Variants in BANP observed in about 807,000 individuals in gnomAD.
BANP encodes the protein BTG3 associated nuclear protein.
BANP carries 11 observed loss-of-function variants against 68.1 expected under a neutral mutation model. The observed-to-expected ratio is 0.16, with a 90% CI of 0.10 to 0.27. BANP has a LOEUF of 0.27. BANP is among the 10% of genes least tolerant of loss of function. BANP has a pLI of 1.00. For missense variants in BANP, 504 were observed against 722.7 expected (o/e 0.70, Z 3.47); for synonymous variants, 329 against 303.2 (o/e 1.09, Z -0.88).
At chr16:88,013,602 T>C (rs2073784969) in intron 6 of BANP, among the ~76,000 whole-genome samples, 3 of 152,198 alleles carry the variant, frequency 2.0e-5, no homozygotes, top group Non-Finnish European at 4.4e-5. Context: ...GACTGCTGCC[T>C]GCACCCGTCA....
At position 88,072,203 on chromosome 16, in the gene BANP, C is replaced by A; in HGVS notation, c.1512C>A (p.Ala504=). ...VQLAPVSDHT[A]GAQTAEALQP... is the part of the protein sequence containing the mutation. ...TGGCGCCAGTGAGTGACCACACGGC[C>A]GGGGCACAGGTGAGTCTGGGGCCCC... Residue 504 remains alanine, a synonymous_variant, in exon 13 of 14, where the codon GCC becomes GCA. Coordinates refer to ENST00000682872, the MANE Select transcript of BANP (RefSeq NM_001386991.1). 1 of 1,609,834 alleles carries A rather than the reference C, an allele frequency of 6.2e-7. No individual in the cohort carries two copies. Among genetic ancestry groups the A allele is most frequent in the South Asian group, 1.1e-5 (1 of 90,852 alleles).
chr16:88,026,739 C>A lies in BANP; in HGVS notation c.896-744C>A, dbSNP rs553550138. Among the ~76,000 whole-genome samples the A allele has an allele frequency of 4.6e-5, 7 of 151,124 alleles. No homozygotes were observed. The South Asian group carries it at 1.5e-3, about 32-fold the overall frequency. On this transcript the variant is annotated intron_variant, in intron 7 of 13. Coordinates refer to ENST00000682872, the MANE Select transcript of BANP (RefSeq NM_001386991.1). The stretch of plus-strand genomic sequence containing the variant: ...GACAGAGTAACAAAAATACATACTT[C>A]AATTCTCCAAACCGTGTTTACCAGG...
chr16:87,987,699 C>T (rs184422206), intron 4 of BANP, among the ~76,000 whole-genome samples: 189 of 75,984 alleles, frequency 2.5e-3, no homozygotes, highest in African/African-American at 7.9e-3. Context: ...CCAGGCTGAG[C>T]GAGACCCTAA....
chr16:88,004,032 C>T lies in BANP; in HGVS notation c.363-263C>T, dbSNP rs982278972. The T allele has an allele frequency of 9.4e-6, 4 of 423,462 alleles. No individual in the cohort carries two copies. The highest frequency in any genetic ancestry group is 8.2e-5 in the African/African-American group (4 of 49,032). 26.2% of individuals were successfully genotyped at this position (423,462 alleles called of 1,614,324 possible). On this transcript the variant is annotated intron_variant, in intron 4 of 13. Transcript: ENST00000682872. This position sits in a 1 kb window ranked among gnomAD's most constrained non-coding sequence, Gnocchi z 7.0. The stretch of plus-strand genomic sequence containing the variant: ...CTCAGCCCAGCTGTCCTGTGCTATC[C>T]AGTTGTGCAGACAGATCACCAACAA...
intron 7 of BANP, among the ~76,000 whole-genome samples, chr16:88,020,516 A>G (rs1202250073): frequency 6.6e-6 from 1 of 152,272 alleles, no homozygotes; most frequent in East Asian, 1.9e-4. Flanking sequence ...GCGTGCGGTC[A>G]GGTAGATAGA....
chr16:88,071,516 A>G lies in BANP; in HGVS notation c.1378-553A>G, dbSNP rs200180120. 6 of 456,288 alleles carry G rather than the reference A, an allele frequency of 1.3e-5. No homozygotes were observed. The highest frequency in any genetic ancestry group is 8.0e-5 in the African/African-American group (4 of 50,080). The allele number at this position is 456,288 out of a possible 1,614,324, so 28.3% of individuals were successfully genotyped here. A position where few individuals can be genotyped will look rare whatever the true frequency, so the allele number is the denominator to read the frequency against. On this transcript the variant is annotated intron_variant, in intron 12 of 13. Transcript: ENST00000682872. The surrounding 1 kb of genome is among the most constrained non-coding windows in gnomAD (Gnocchi z 6.5). ...CTGCCACCAGGACTCACTTCCGCCC[A>G]TCTTGGAACTGGGCCTCACTTTCCT...
intron 1 of BANP, among the ~76,000 whole-genome samples, chr16:87,960,419 T>G (rs1381022658): frequency 1.3e-5 from 2 of 152,196 alleles, no homozygotes; most frequent in Non-Finnish European, 2.9e-5. Flanking sequence ...GATTTGGTGG[T>G]AGCAGGTGGG....
intron 4 of BANP, among the ~76,000 whole-genome samples, chr16:87,994,554 C>G (rs766580305): frequency 6.6e-6 from 1 of 152,200 alleles, no homozygotes; most frequent in Non-Finnish European, 1.5e-5. Context: ...TTCTGTTTTG[C>G]TTATTTCATT....
intron 7 of BANP, among the ~76,000 whole-genome samples, chr16:88,025,194 G>A (rs1224932680): frequency 1.3e-5 from 2 of 152,180 alleles, no homozygotes; most frequent in Non-Finnish European, 2.9e-5. Context: ...CAGTAGCTGG[G>A]CTCTCATGAA....
intron 6 of BANP, among the ~76,000 whole-genome samples, chr16:88,014,177 G>T (rs922091631): frequency 6.6e-6 from 1 of 152,204 alleles, no homozygotes; most frequent in African/African-American, 2.4e-5. Context: ...TGGTTGTGGA[G>T]GGAGGGCTCA....
At chr16:87,981,610 A>G (rs1334303183) in intron 3 of BANP, among the ~76,000 whole-genome samples, 5 of 152,242 alleles carry the variant, frequency 3.3e-5, no homozygotes, top group Admixed American at 2.0e-4. Flanking sequence ...GGATGTGGCT[A>G]TATCACCAGG....
intron 2 of BANP, among the ~76,000 whole-genome samples, chr16:87,975,598 A>G (rs1394410968): frequency 3.2e-5 from 4 of 126,248 alleles, no homozygotes; most frequent in African/African-American, 6.1e-5. Context: ...GAACCTTACC[A>G]TGTTGTGTGT....
At chr16:88,067,612 A>G (rs375807218) in intron 12 of BANP, among the ~76,000 whole-genome samples, 55 of 152,162 alleles carry the variant, frequency 3.6e-4, no homozygotes, top group Middle Eastern at 6.8e-3. Context: ...TTCCAAATCT[A>G]AGGGGGTCAG....
intron 12 of BANP, among the ~76,000 whole-genome samples, chr16:88,068,635 G>A (rs979539810): frequency 7.3e-5 from 11 of 151,588 alleles, no homozygotes; most frequent in African/African-American, 1.2e-4. Flanking sequence ...TCCAGTGGGC[G>A]CCAGCTCGGG....
chr16:87,966,016 C>T (rs1338009786), intron 1 of BANP, among the ~76,000 whole-genome samples: 1 of 152,176 alleles, frequency 6.6e-6, no homozygotes, highest in Non-Finnish European at 1.5e-5. Context: ...GACAGATGAC[C>T]ACACGTGGAC....
rs2070051212 is a variant in BANP at position 88,003,539 on chromosome 16, A to T, written c.363-756A>T. On this transcript the variant is annotated intron_variant, in intron 4 of 13. Transcript: ENST00000682872. This position sits in a 1 kb window ranked among gnomAD's most constrained non-coding sequence, Gnocchi z 6.1. The stretch of plus-strand genomic sequence containing the variant: ...TTGTGACCAGAAAGTGCTAAGGCTT[A>T]AAAACGCATGATTGAAAACTGTGGG... 1 of 456,162 alleles carries T rather than the reference A, an allele frequency of 2.2e-6. No homozygotes were observed. The highest frequency in any genetic ancestry group is 4.4e-6 in the Non-Finnish European group (1 of 226,966). The allele number at this position is 456,162 out of a possible 1,614,324, so 28.3% of individuals were successfully genotyped here.
At chr16:88,012,620 G>A (rs2073462002) in intron 6 of BANP, among the ~76,000 whole-genome samples, 1 of 152,162 alleles carries the variant, frequency 6.6e-6, no homozygotes, top group African/African-American at 2.4e-5. Context: ...GGAATCCCAG[G>A]GACAGGAACA....
intron 1 of BANP, among the ~76,000 whole-genome samples, chr16:87,971,625 T>C (rs2061148694): frequency 1.3e-5 from 2 of 151,904 alleles, no homozygotes; most frequent in Non-Finnish European, 2.9e-5. Flanking sequence ...CTTGGTGTTC[T>C]GTCTTGGTGT....
intron 6 of BANP, among the ~76,000 whole-genome samples, chr16:88,010,675 TAAA>T (rs1190950744): frequency 6.6e-6 from 1 of 152,136 alleles, no homozygotes; most frequent in Non-Finnish European, 1.5e-5. Context: ...CACATGGAAA[TAAA>T]AACATGTAGC....
Sources: allele counts gnomAD v4.1 joint callset (sites outside exome capture counted in the v4.1 genomes callset), GRCh38; gene constraint gnomAD v4.1.1; non-coding constraint Gnocchi (gnomAD v3.1); transcripts MANE v1.5; gene names NCBI Gene and HGNC (gene_info 2026-07-23, HGNC 2026-07-21).